Variants in PVT1 observed in about 807,000 individuals in gnomAD.
The protein encoded by PVT1 is CXCR4/PVT1 fusion.
At chr8:128,012,685 C>T (rs1402143703) in intron 4 of PVT1, among the ~76,000 whole-genome samples, 6 of 152,180 alleles carry the variant, frequency 3.9e-5, no homozygotes. Flanking sequence ...CTTTCTTGCA[C>T]TCTTGCTGAT....
At chr8:127,972,701 T>A (rs1271388345) in intron 3 of PVT1, among the ~76,000 whole-genome samples, 2 of 152,066 alleles carry the variant, frequency 1.3e-5, no homozygotes, top group Non-Finnish European at 2.9e-5. Flanking sequence ...ATCCCGCTAT[T>A]GCACTCTACC....
At chr8:127,906,371 C>A (rs527254741) in intron 3 of PVT1, among the ~76,000 whole-genome samples, 192 of 152,238 alleles carry the variant, frequency 1.3e-3, no homozygotes, top group African/African-American at 4.5e-3. Context: ...ATAAATCCTC[C>A]AAATGGCTTT....
At chr8:127,868,173 G>A (rs566847696) in intron 2 of PVT1, among the ~76,000 whole-genome samples, 2 of 152,094 alleles carry the variant, frequency 1.3e-5, no homozygotes, top group South Asian at 2.1e-4. Flanking sequence ...GCAGTTCTGC[G>A]AGGTGGTGGG....
intron 4 of PVT1, among the ~76,000 whole-genome samples, chr8:128,031,658 G>A (rs1235856678): frequency 6.6e-6 from 1 of 152,224 alleles, no homozygotes; most frequent in Non-Finnish European, 1.5e-5. Context: ...AGTAATAACG[G>A]TAGCAGCTAA....
At chr8:127,903,257 C>T (rs978077463) in intron 3 of PVT1, among the ~76,000 whole-genome samples, 21 of 152,146 alleles carry the variant, frequency 1.4e-4, no homozygotes, top group Non-Finnish European at 5.9e-5. Context: ...CGTCCTTGTG[C>T]TTTGCCCACT....
At chr8:127,908,737 G>T (rs910471190) in intron 3 of PVT1, among the ~76,000 whole-genome samples, 1 of 152,190 alleles carries the variant, frequency 6.6e-6, no homozygotes, top group African/African-American at 2.4e-5. Flanking sequence ...TGGTTTCATG[G>T]TGGACTTTGA....
intron 3 of PVT1, among the ~76,000 whole-genome samples, chr8:127,983,451 G>A (rs187221635): frequency 6.6e-6 from 1 of 152,006 alleles, no homozygotes; most frequent in East Asian, 1.9e-4. Context: ...GGTGATTCTC[G>A]CCCTCTTGTT....
chr8:128,007,859 T>C (rs1244559155), intron 4 of PVT1, among the ~76,000 whole-genome samples: 1 of 152,244 alleles, frequency 6.6e-6, no homozygotes, highest in African/African-American at 2.4e-5. Context: ...CACCTAATTT[T>C]CACTCCACAA....
intron 5 of PVT1, among the ~76,000 whole-genome samples, chr8:128,079,600 T>C (rs1412089266): frequency 1.3e-5 from 2 of 152,204 alleles, no homozygotes; most frequent in Non-Finnish European, 2.9e-5. Context: ...AAAATTCCCC[T>C]GTGCTTCCCC....
intron 3 of PVT1, among the ~76,000 whole-genome samples, chr8:127,903,239 G>A (rs1563634920): frequency 6.6e-6 from 1 of 152,284 alleles, no homozygotes; most frequent in Admixed American, 6.5e-5. Context: ...CTTCTTTTGA[G>A]CAGTGTCCGT....
At chr8:128,029,567 C>T (rs975516194) in intron 4 of PVT1, among the ~76,000 whole-genome samples, 4 of 152,016 alleles carry the variant, frequency 2.6e-5, no homozygotes, top group East Asian at 1.9e-4. Flanking sequence ...TTTGGGAGGC[C>T]GAGGCAGGTG....
At chr8:127,893,660 T>G (rs1815639124) in intron 3 of PVT1, among the ~76,000 whole-genome samples, 1 of 152,258 alleles carries the variant, frequency 6.6e-6, no homozygotes, top group Admixed American at 6.5e-5. Flanking sequence ...CAACATTGCC[T>G]GGAGCTGAGA....
intron 2 of PVT1, among the ~76,000 whole-genome samples, chr8:127,805,119 G>A (rs556991000): frequency 1.1e-4 from 16 of 150,568 alleles, no homozygotes; most frequent in South Asian, 4.2e-4. Flanking sequence ...TAGTAGAGAC[G>A]GGGTTTCTCC....
At chr8:128,036,954 A>G (rs779398890) in intron 4 of PVT1, among the ~76,000 whole-genome samples, 1 of 152,142 alleles carries the variant, frequency 6.6e-6, no homozygotes, top group Non-Finnish European at 1.5e-5. Flanking sequence ...CAGGCCCACC[A>G]TGGGTTTGGG....
intron 4 of PVT1, among the ~76,000 whole-genome samples, chr8:128,000,003 C>G (rs1817156841): frequency 6.6e-6 from 1 of 152,184 alleles, no homozygotes; most frequent in South Asian, 2.1e-4. Flanking sequence ...GTGTTATGCT[C>G]ACAGGCCTTT....
chr8:127,805,961 A>G (rs1814522188), intron 2 of PVT1, among the ~76,000 whole-genome samples: 1 of 152,200 alleles, frequency 6.6e-6, no homozygotes, highest in Admixed American at 6.5e-5. Context: ...ATGACTACAT[A>G]TTAAAGAAAA....
chr8:127,930,260 G>A (rs143880509), intron 3 of PVT1, among the ~76,000 whole-genome samples: 81 of 152,272 alleles, frequency 5.3e-4, no homozygotes, highest in African/African-American at 1.9e-3. Flanking sequence ...GAGTTCAAGC[G>A]ATTCTTGTGC....
intron 3 of PVT1, among the ~76,000 whole-genome samples, chr8:127,942,916 ATTAT>A (rs1405171244): frequency 9.8e-5 from 15 of 152,320 alleles, no homozygotes; most frequent in African/African-American, 3.6e-4. Flanking sequence ...TTTAACTGTG[ATTAT>A]TATTCCTTAG....
intron 4 of PVT1, among the ~76,000 whole-genome samples, chr8:128,056,309 A>G (rs756372281): frequency 3.3e-5 from 5 of 152,204 alleles, no homozygotes; most frequent in Non-Finnish European, 5.9e-5. Context: ...ATGCATATGC[A>G]TGCCTGTATA....
Sources: gnomAD v4.1 joint callset for allele counts (sites outside exome capture counted in the v4.1 genomes callset) on GRCh38, gnomAD v4.1.1 for gene constraint, MANE v1.5 for transcripts, NCBI Gene and HGNC (gene_info 2026-07-23, HGNC 2026-07-21) for gene names.